The following SPATA3 variants were observed in gnomAD, a reference collection of about 807,000 sequenced individuals.
The protein encoded by SPATA3 is spermatogenesis-associated protein 3.
In SPATA3, 6 loss-of-function variants were observed where a neutral mutation model predicts 5.7. The ratio of observed to expected loss-of-function variants is 1.06; its 90% confidence interval spans 0.58 to 2.09. The LOEUF (loss-of-function observed/expected upper bound fraction) is 2.09. Ranked by LOEUF, SPATA3 falls within the 30% of genes most tolerant of loss-of-function variation. The pLI is 0.00. For missense variants in SPATA3, 155 were observed against 130.4 expected, an observed-to-expected ratio of 1.19 and a Z score of -0.92; for synonymous variants, 44 against 48.4, an observed-to-expected ratio of 0.91 and a Z score of 0.37.
At chr2:231,015,101 C>A (rs1692895231) in intron 6 of SPATA3, among the ~76,000 whole-genome samples, 1 of 149,976 alleles carries the variant, frequency 6.7e-6, no homozygotes, top group Admixed American at 6.6e-5. Context: ...GAGAGAGCAC[C>A]AGCAAACCCT....
intron 5 of SPATA3, among the ~76,000 whole-genome samples, chr2:231,013,580 T>C (rs1220171775): frequency 6.6e-6 from 1 of 151,758 alleles, no homozygotes; most frequent in Admixed American, 6.6e-5. Flanking sequence ...AATCTCCACC[T>C]CCCAGGTTCA....
At chr2:231,005,100 T>C (rs1386682243), downstream of SPATA3, among the ~76,000 whole-genome samples, 1 of 61,870 alleles carries the variant, frequency 1.6e-5, no homozygotes, top group Non-Finnish European at 3.2e-5. Flanking sequence ...ACCATCCTCA[T>C]CACCATCACC....
At chr2:230,998,919 A>G (rs1362134990) in intron 1 of SPATA3, among the ~76,000 whole-genome samples, 1 of 152,244 alleles carries the variant, frequency 6.6e-6, no homozygotes, top group Admixed American at 6.5e-5. Flanking sequence ...TATTAGAAGC[A>G]CACCAAAACT....
intron 1 of SPATA3, among the ~76,000 whole-genome samples, chr2:230,996,816 C>T (rs1160005445): frequency 6.6e-6 from 1 of 152,114 alleles, no homozygotes; most frequent in East Asian, 1.9e-4. Context: ...ATCAGCAGTG[C>T]CATGCAACTG....
intron 6 of SPATA3, among the ~76,000 whole-genome samples, chr2:231,015,964 A>G (rs149290922): frequency 6.4e-4 from 98 of 152,340 alleles, no homozygotes; most frequent in Non-Finnish European, 1.1e-3. Context: ...AGGAAGCAGA[A>G]CTTCCAGCTG....
At chr2:231,005,211 TCAC>T (rs1692528328), downstream of SPATA3, among the ~76,000 whole-genome samples, 4 of 98,742 alleles carry the variant, frequency 4.1e-5, no homozygotes, top group Admixed American at 2.0e-4. Flanking sequence ...ATCACCATCA[TCAC>T]CACCATCATC....
At chr2:231,008,492 C>A (rs7572432), downstream of SPATA3, among the ~76,000 whole-genome samples, 1,335 of 152,272 alleles carry the variant, frequency 8.8e-3, 26 homozygotes, top group African/African-American at 0.031. Flanking sequence ...GCTGGTTTAC[C>A]CACAACAGCA....
At chr2:230,998,162 A>C (rs1692199777) in intron 1 of SPATA3, among the ~76,000 whole-genome samples, 1 of 152,200 alleles carries the variant, frequency 6.6e-6, no homozygotes, top group Non-Finnish European at 1.5e-5. Context: ...TGAACAGGCC[A>C]CACTCCCTGG....
chr2:230,997,434 G>A (rs1281628061), intron 1 of SPATA3, among the ~76,000 whole-genome samples: 1 of 152,170 alleles, frequency 6.6e-6, no homozygotes, highest in Non-Finnish European at 1.5e-5. Context: ...TATCAGCAGT[G>A]TGAAAACAGA....
rs796794776 is a variant in SPATA3, at chr2:231,019,393, A to G, written c.*566-327A>G. On this transcript the variant is annotated intron_variant, in intron 6 of 8. Coordinates refer to the SPATA3 transcript ENST00000452881. ...GGCTGGAGTGCAGTGGTGCGATCTCAGCTCACTGCAAGCTCCGCCTCCCGG... is the reference window on the plus strand; with the variant it reads ...GGCTGGAGTGCAGTGGTGCGATCTCGGCTCACTGCAAGCTCCGCCTCCCGG... Among the ~76,000 whole-genome samples, 242 of 142,782 alleles carry G rather than the reference A, an allele frequency of 1.7e-3. 5 individuals carry two copies. Among genetic ancestry groups the G allele is most frequent in the Non-Finnish European group, 3.1e-3 (202 of 65,064 alleles). 93.7% of individuals were successfully genotyped at this position (142,782 alleles called of 152,430 possible). A position where few individuals can be genotyped will look rare whatever the true frequency, so the allele number is the denominator to read the frequency against.
downstream of SPATA3, among the ~76,000 whole-genome samples, chr2:231,010,081 T>C (rs529727763): frequency 2.0e-5 from 3 of 152,354 alleles, no homozygotes; most frequent in South Asian, 2.1e-4. Flanking sequence ...GGCTGTGAGT[T>C]TGGGGACAGC....
At chr2:231,005,367 TCATCACCAC>T (rs1692559404), downstream of SPATA3, among the ~76,000 whole-genome samples, 2 of 46,000 alleles carry the variant, frequency 4.3e-5, no homozygotes, top group Non-Finnish European at 4.5e-5. Context: ...ACCACCACCA[TCATCACCAC>T]CATCACCACC....
intron 6 of SPATA3, among the ~76,000 whole-genome samples, chr2:231,019,259 G>A (rs143730741): frequency 0.024 from 3,685 of 151,308 alleles, 150 homozygotes; most frequent in East Asian, 0.21. Flanking sequence ...GTGAGCCACC[G>A]TGCCAGGCCT....
chr2:231,019,331 T>TC (rs1693017783), intron 6 of SPATA3, among the ~76,000 whole-genome samples: 1 of 143,214 alleles, frequency 7.0e-6, no homozygotes, highest in Non-Finnish European at 1.6e-5. Context: ...CAATCTCACT[T>TC]TTTTTTTTTT....
chr2:231,012,581 G>A (rs945108184), intron 4 of SPATA3: 1 of 152,338 alleles, frequency 6.6e-6, no homozygotes, highest in African/African-American at 2.4e-5. Flanking sequence ...CATTCTGTGT[G>A]TCTGGTAGGA....
At chr2:231,009,326 C>A (rs141205390), downstream of SPATA3, among the ~76,000 whole-genome samples, 245 of 152,300 alleles carry the variant, frequency 1.6e-3, 2 homozygotes, top group Middle Eastern at 0.058. Flanking sequence ...GGAGAGAGAA[C>A]TCCCAGCTGC....
chr2:231,008,447 G>A (rs991401769), downstream of SPATA3, among the ~76,000 whole-genome samples: 13 of 152,134 alleles, frequency 8.5e-5, no homozygotes, highest in East Asian at 1.9e-4. Flanking sequence ...TAGTTAGACC[G>A]GGACCCAGCA....
chr2:231,013,668 T>G (rs1692852866), intron 5 of SPATA3, among the ~76,000 whole-genome samples: 2 of 152,220 alleles, frequency 1.3e-5, no homozygotes, highest in Middle Eastern at 3.4e-3. Context: ...TTTTGTATTT[T>G]CAGTAGAGAC....
At chr2:230,996,235 T>G in intron 1 of SPATA3, 1 of 1,549,872 alleles carries the variant, frequency 6.5e-7, no homozygotes, top group Non-Finnish European at 8.7e-7. Context: ...GGATCTACCA[T>G]GAAGAAGGTC....
Sources: gnomAD v4.1 joint callset for allele counts (sites outside exome capture counted in the v4.1 genomes callset) on GRCh38, gnomAD v4.1.1 for gene constraint, MANE v1.5 for transcripts, NCBI Gene and HGNC (gene_info 2026-07-23, HGNC 2026-07-21) for gene names.